Variants in MCUR1 observed in about 807,000 individuals in gnomAD.
MCUR1 encodes the protein MCU regulator 1.
In MCUR1, 37 loss-of-function variants were observed where a neutral mutation model predicts 42.0. That is an observed-to-expected ratio of 0.88 (90% CI 0.68 to 1.16). The LOEUF (loss-of-function observed/expected upper bound fraction) is 1.16, where lower values mean the gene tolerates loss of function less well. MCUR1 is among the 50% of genes most tolerant of loss of function. MCUR1 has a pLI of 0.00. For missense variants in MCUR1, 469 were observed against 468.4 expected, an observed-to-expected ratio of 1.00 and a Z score of -0.01; for synonymous variants, 229 against 196.2, an observed-to-expected ratio of 1.17 and a Z score of -1.40.
chr6:13,811,811 A>C (rs1760241021), intron 1 of MCUR1, among the ~76,000 whole-genome samples: 1 of 152,104 alleles, frequency 6.6e-6, no homozygotes, highest in Non-Finnish European at 1.5e-5. Context: ...CCCCCACATA[A>C]ACAAAACAAT....
intron 1 of MCUR1, among the ~76,000 whole-genome samples, chr6:13,813,522 T>A (rs1177889387): frequency 2.0e-5 from 3 of 152,182 alleles, no homozygotes; most frequent in Admixed American, 2.0e-4. Flanking sequence ...CTGATATATC[T>A]CACACATCTA....
intron 8 of MCUR1, among the ~76,000 whole-genome samples, chr6:13,791,132 C>T (rs547296081): frequency 7.0e-4 from 106 of 151,854 alleles, no homozygotes; most frequent in African/African-American, 2.2e-3. Context: ...CTCAAACTCC[C>T]GGGCTCAAGT....
chr6:13,791,468 TCTC>T (rs1299117702), intron 8 of MCUR1, among the ~76,000 whole-genome samples: 1 of 152,182 alleles, frequency 6.6e-6, no homozygotes, highest in Non-Finnish European at 1.5e-5. Context: ...ATGTTCATTC[TCTC>T]TTTTGGATCA....
At chr6:13,804,129 TG>T in intron 2 of MCUR1, 1 of 298,106 alleles carries the variant, frequency 3.4e-6, no homozygotes, top group Non-Finnish European at 5.6e-6. Context: ...GAGACCAGCC[TG>T]GCCAACATGG....
chr6:13,794,278 T>G (rs964932645), intron 6 of MCUR1, among the ~76,000 whole-genome samples: 4 of 152,122 alleles, frequency 2.6e-5, no homozygotes, highest in African/African-American at 9.7e-5. Context: ...ACTTACTCAT[T>G]CCTCTAATAT....
rs1252616875 is a variant in MCUR1, at chr6:13,787,209, G to C, written c.*3600C>G. ...ACTAAGCATAGCTACAAAAGGAAAA[G>C]CCACATGGAAGCAGAGACAAAGGCA... On this transcript the variant is annotated 3_prime_UTR_variant, in exon 9 of 9. Coordinates refer to ENST00000379170, the MANE Select transcript of MCUR1 (RefSeq NM_001031713.4). The C allele has an allele frequency of 2.0e-5, 3 of 152,168 alleles. No homozygotes were observed. Among genetic ancestry groups the C allele is most frequent in the Non-Finnish European group, 2.9e-5 (2 of 68,046 alleles). The allele number at this position is 152,168 out of a possible 1,614,324, so 9.4% of individuals were successfully genotyped here. A position where few individuals can be genotyped will look rare whatever the true frequency, so the allele number is the denominator to read the frequency against.
rs529262952 is a variant in MCUR1 at position 13,811,254 on chromosome 6, G to T, written c.415+2761C>A. On this transcript the variant is annotated intron_variant, in intron 1 of 8. Transcript: ENST00000379170. ...ATTTCCTCATCTGTATCATCTATTT[G>T]TCCAAGCTGCCCAGGAGCAGCCAGT... 4.6e-5 allele frequency among the ~76,000 whole-genome samples: 7 copies of T among 152,100 alleles called. No homozygotes were observed. In the South Asian group the frequency reaches 1.5e-3, roughly 32 times the overall value.
chr6:13,790,755 C>T lies in MCUR1; in HGVS notation c.*54G>A, dbSNP rs1378209167. ...GGTGTGAGCCACCGCACCCAGCCAACAATCTGGTATTCTTAAGGCAAAACA... is the reference window on the plus strand; with the variant it reads ...GGTGTGAGCCACCGCACCCAGCCAATAATCTGGTATTCTTAAGGCAAAACA... On this transcript the variant is annotated 3_prime_UTR_variant, in exon 9 of 9. Coordinates refer to ENST00000379170, the MANE Select transcript of MCUR1 (RefSeq NM_001031713.4). 4.1e-6 allele frequency: 6 copies of T among 1,452,060 alleles called. No homozygotes were observed. Among genetic ancestry groups the T allele is most frequent in the Non-Finnish European group, 5.8e-6 (6 of 1,042,870 alleles). 89.9% of individuals were successfully genotyped at this position (1,452,060 alleles called of 1,614,324 possible).
In MCUR1 at chr6:13,801,368, T is replaced by C; in HGVS notation, c.661A>G (p.Met221Val). 6.2e-7 allele frequency: 1 copy of C among 1,611,628 alleles called. No homozygotes were observed. Among genetic ancestry groups the C allele is most frequent in the Non-Finnish European group, 8.5e-7 (1 of 1,179,448 alleles). The stretch of plus-strand genomic sequence containing the variant: ...TTTTTCACATTCGCAATCTGAGACA[T>C]TACTTGCTGAAAAGTGATTTCCTAG... The part of the protein sequence containing the change: ...MQQEITFQQV[M>V]SQIANVKKDM... The change falls in exon 4 of 9, where the codon ATG becomes GTG. Residue 221 changes from methionine to valine, a missense_variant. By Grantham distance (21) the Met-to-Val change is conservative. Transcript: ENST00000379170.
At chr6:13,798,541 CAA>C (rs1759908021) in intron 6 of MCUR1, among the ~76,000 whole-genome samples, 2 of 152,060 alleles carry the variant, frequency 1.3e-5, no homozygotes, top group Admixed American at 1.3e-4. Context: ...TTAAATAGAT[CAA>C]GATTGCATTT....
At chr6:13,809,224 T>A (rs1760177683) in intron 1 of MCUR1, among the ~76,000 whole-genome samples, 1 of 152,218 alleles carries the variant, frequency 6.6e-6, no homozygotes, top group African/African-American at 2.4e-5. Flanking sequence ...TATTAAGTAT[T>A]CAGATCAATG....
Position 13,793,938 on chromosome 6 carries a change from T to G in MCUR1, c.865A>C (p.Asn289His). ...CTCAATTCCAGCAGCTTCTTTTCGT[T>G]CAATGAATACTGAAATAAACACGTA... ...KSRVKELYSL[N>H]EKKLLELRTE... is the part of the protein sequence containing the mutation. The change falls in exon 7 of 9, where the codon AAC becomes CAC. Residue 289 changes from asparagine (N) to histidine (H), a missense_variant. Transcript: ENST00000379170. The G allele has an allele frequency of 6.2e-7, 1 of 1,613,642 alleles. No individual in the cohort carries two copies. Among genetic ancestry groups the G allele is most frequent in the South Asian group, 1.1e-5 (1 of 91,068 alleles).
Position 13,790,938 on chromosome 6 carries a change from A to C in MCUR1, c.1025-74T>G. ...CTTGAGGGAACATCTTTTTTTAAGA[A>C]AACCTAAAAAAGAAAACCTAGAAAC... is the stretch of plus-strand genomic sequence containing the variant. On this transcript the variant is annotated intron_variant, in intron 8 of 8. Transcript: ENST00000379170. 3 of 1,187,976 alleles carry C rather than the reference A, an allele frequency of 2.5e-6. No homozygotes were observed. In the South Asian group the frequency reaches 4.1e-5, roughly 16 times the overall value. 73.6% of individuals were successfully genotyped at this position (1,187,976 alleles called of 1,614,324 possible). A position where few individuals can be genotyped will look rare whatever the true frequency, so the allele number is the denominator to read the frequency against.
chr6:13,808,462 G>A (rs1422469616), intron 1 of MCUR1, among the ~76,000 whole-genome samples: 3 of 151,980 alleles, frequency 2.0e-5, no homozygotes, highest in Admixed American at 6.6e-5. Context: ...TTCACTTTTC[G>A]ATACTGTCTT....
chr6:13,802,197 C>T (rs763341278), intron 3 of MCUR1, 46 bp downstream of exon 3: 3 of 1,410,544 alleles, frequency 2.1e-6, no homozygotes, highest in Admixed American at 1.7e-5. Flanking sequence ...CAAATAATAC[C>T]CCATCTTCAC....
intron 2 of MCUR1, among the ~76,000 whole-genome samples, chr6:13,805,807 G>A (rs1273330797): frequency 1.3e-5 from 2 of 152,166 alleles, no homozygotes; most frequent in Non-Finnish European, 2.9e-5. Flanking sequence ...TCACCATATA[G>A]AGAATTATAA....
Position 13,798,856 on chromosome 6 carries a change from C to T in MCUR1, c.832G>A (p.Glu278Lys), listed in dbSNP as rs746142170. 6.2e-7 allele frequency: 1 copy of T among 1,611,412 alleles called. No homozygotes were observed. The highest frequency in any genetic ancestry group is 1.1e-5 in the South Asian group (1 of 90,850). ...ACCAATTCTTTTACTCTGCTCTTTTCTAGGTTGAAGTCTAATTTGGTATCT... is the reference window on the plus strand; with the variant it reads ...ACCAATTCTTTTACTCTGCTCTTTTTTAGGTTGAAGTCTAATTTGGTATCT... ...RTDTKLDFNL[E>K]KSRVKELYSL... The change falls in exon 6 of 9, where the codon GAA becomes AAA. Residue 278 changes from glutamate (E) to lysine (K), a missense_variant. By Grantham distance (56) the Glu-to-Lys change is moderately conservative. Transcript: ENST00000379170.
intron 5 of MCUR1, among the ~76,000 whole-genome samples, chr6:13,800,084 G>A (rs1233990211): frequency 6.6e-6 from 1 of 151,860 alleles, no homozygotes; most frequent in African/African-American, 2.4e-5. Context: ...ACCCACCTCG[G>A]CCTCCCAAAG....
At position 13,789,109 on chromosome 6, in the gene MCUR1, A is replaced by C. The variant is rs1393163049; in HGVS notation, c.*1700T>G. On this transcript the variant is annotated 3_prime_UTR_variant, in exon 9 of 9. Transcript: ENST00000379170. The stretch of plus-strand genomic sequence containing the variant: ...TTGCCCATGTGCCAGTAATTTGAAT[A>C]AGATGAGAATGGGCCAGGCGCAGCG... 6.6e-6 allele frequency: 1 copy of C among 152,264 alleles called. No individual in the cohort carries two copies. Among genetic ancestry groups the C allele is most frequent in the East Asian group, 1.9e-4 (1 of 5,200 alleles). The allele number at this position is 152,264 out of a possible 1,614,324, so 9.4% of individuals were successfully genotyped here. A position where few individuals can be genotyped will look rare whatever the true frequency, so the allele number is the denominator to read the frequency against.
Sources: allele counts gnomAD v4.1 joint callset (sites outside exome capture counted in the v4.1 genomes callset), GRCh38; gene constraint gnomAD v4.1.1; transcripts MANE v1.5; gene names NCBI Gene and HGNC (gene_info 2026-07-23, HGNC 2026-07-21).